The following FAM83D variants were observed in gnomAD, a reference collection of about 807,000 sequenced individuals.
FAM83D encodes protein FAM83D.
In FAM83D, 26 loss-of-function variants were observed where a neutral mutation model predicts 25.4. The ratio of observed to expected loss-of-function variants is 1.02; its 90% CI spans 0.75 to 1.42. The LOEUF (loss-of-function observed/expected upper bound fraction) is 1.42. Among genes scored for constraint, FAM83D ranks in the 40% most tolerant of loss-of-function variants. The probability of loss-of-function intolerance (pLI) is 0.00; values close to 1 mark genes in which losing one functional copy is unlikely to be tolerated. For synonymous variants in FAM83D, 310 were observed against 318.5 expected (o/e 0.97, Z 0.28); for missense variants, 740 against 758.1 (o/e 0.98, Z 0.28).
chr20:38,934,802 A>G (rs1308916685), intron 1 of FAM83D, among the ~76,000 whole-genome samples: 4 of 152,226 alleles, frequency 2.6e-5, no homozygotes, highest in African/African-American at 9.6e-5. Flanking sequence ...AATGAGGACT[A>G]GCTCTGATAT....
chr20:38,927,032 TA>T, intron 1 of FAM83D, 107 bp downstream of exon 1: 1 of 1,376,496 alleles, frequency 7.3e-7, no homozygotes, highest in Non-Finnish European at 9.3e-7. Flanking sequence ...CTCTGCGCCC[TA>T]CCGGAAGCGC....
intron 1 of FAM83D, among the ~76,000 whole-genome samples, chr20:38,939,480 G>A (rs6129130): frequency 6.6e-6 from 1 of 152,090 alleles, no homozygotes; most frequent in African/African-American, 2.4e-5. Flanking sequence ...CTTCCTAGTA[G>A]CTGGGATGAC....
intron 3 of FAM83D, 147 bp downstream of exon 3, chr20:38,948,147 C>A: frequency 1.0e-6 from 1 of 982,466 alleles, no homozygotes; most frequent in Non-Finnish European, 1.4e-6. Flanking sequence ...AGCTGGTTAT[C>A]AAAGCCTCCT....
In FAM83D at chr20:38,952,434, A is replaced by G. The variant is rs1480349088; in HGVS notation, c.1672A>G (p.Asn558Asp). The change falls in exon 4 of 4, where the codon AAC (asparagine) becomes GAC (aspartate). Residue 558 changes from asparagine to aspartate, a missense_variant. Coordinates refer to ENST00000619850, the MANE Select transcript of FAM83D (RefSeq NM_030919.3). ...MLSRRTLFTENHLGLHSGNFS... is the reference protein window; with the variant it reads ...MLSRRTLFTEDHLGLHSGNFS... ...GTCAAGGAGAACACTCTTTACTGAAAACCACCTTGGCCTTCATTCTGGCAA... is the reference window on the plus strand; with the variant it reads ...GTCAAGGAGAACACTCTTTACTGAAGACCACCTTGGCCTTCATTCTGGCAA... 1.2e-6 allele frequency: 2 copies of G among 1,614,184 alleles called. No homozygotes were observed. Among genetic ancestry groups the G allele is most frequent in the Non-Finnish European group, 8.5e-7 (1 of 1,180,024 alleles).
chr20:38,945,634 C>T (rs1055969190), intron 2 of FAM83D, among the ~76,000 whole-genome samples: 2 of 151,990 alleles, frequency 1.3e-5, no homozygotes, highest in South Asian at 2.1e-4. Context: ...CAATCCAGTC[C>T]AGGATCACAC....
chr20:38,933,489 G>A (rs1031505133), intron 1 of FAM83D, among the ~76,000 whole-genome samples: 5 of 152,212 alleles, frequency 3.3e-5, no homozygotes, highest in Middle Eastern at 3.2e-3. Context: ...CTCCAGTTGT[G>A]AACCACTGGC....
At chr20:38,930,730 C>G (rs995389886) in intron 1 of FAM83D, among the ~76,000 whole-genome samples, 5 of 152,118 alleles carry the variant, frequency 3.3e-5, no homozygotes, top group African/African-American at 1.2e-4. Context: ...TCTCAGTAAC[C>G]TCTGCCTCCC....
intron 2 of FAM83D, 50 bp downstream of exon 2, chr20:38,942,176 A>G: frequency 6.3e-7 from 1 of 1,592,894 alleles, no homozygotes; most frequent in Non-Finnish European, 8.6e-7. Context: ...AATATGACCA[A>G]GCATCCATTA....
At chr20:38,945,815 C>T (rs990655935) in intron 2 of FAM83D, among the ~76,000 whole-genome samples, 1 of 132,038 alleles carries the variant, frequency 7.6e-6, no homozygotes, top group Admixed American at 9.2e-5. Flanking sequence ...TGGTCTTGAA[C>T]TCCTGGACTC....
intron 1 of FAM83D, among the ~76,000 whole-genome samples, chr20:38,932,129 T>C (rs561707353): frequency 6.6e-6 from 1 of 152,366 alleles, no homozygotes; most frequent in South Asian, 2.1e-4. Context: ...CTCATGCCTG[T>C]AATCCCAGTG....
chr20:38,933,316 C>T (rs1393932928), intron 1 of FAM83D, among the ~76,000 whole-genome samples: 1 of 152,080 alleles, frequency 6.6e-6, no homozygotes, highest in African/African-American at 2.4e-5. Flanking sequence ...CTGTTTGGGG[C>T]TATGAAAAAG....
Position 38,948,098 on chromosome 20 carries a change from A to G in FAM83D, c.776+98A>G, listed in dbSNP as rs2085736862. On this transcript the variant is annotated intron_variant, in intron 3 of 3. Coordinates refer to ENST00000619850, the MANE Select transcript of FAM83D (RefSeq NM_030919.3). ...CCTTTTCCTCTCAATGGGAGCCTGT[A>G]TGGCCATGCATTCTGATATGCGTGC... 11 of 1,394,938 alleles carry G rather than the reference A, an allele frequency of 7.9e-6. No individual in the cohort carries two copies. In the South Asian group the frequency reaches 9.6e-5, roughly 12 times the overall value. The allele number at this position is 1,394,938 out of a possible 1,614,324, so 86.4% of individuals were successfully genotyped here.
chr20:38,942,033 G>A lies in FAM83D; in HGVS notation c.558G>A (p.Gln186=). 6.2e-7 allele frequency: 1 copy of A among 1,614,212 alleles called. No homozygotes were observed. The highest frequency in any genetic ancestry group is 2.2e-5 in the East Asian group (1 of 44,892). Residue 186 remains glutamine, a synonymous_variant, in exon 2 of 4, where the codon CAG becomes CAA. Coordinates refer to ENST00000619850, the MANE Select transcript of FAM83D (RefSeq NM_030919.3). The stretch of plus-strand genomic sequence containing the variant: ...ACCTGCAAGAAATATGCAGGAAACA[G>A]GGAGTTGCTGTGTATATCCTTCTGG... ...FRDLQEICRK[Q]GVAVYILLDQ... is the part of the protein sequence containing the mutation.
Position 38,927,044 on chromosome 20 carries a change from G to C in FAM83D, c.483+119G>C, listed in dbSNP as rs1238219590. On this transcript the variant is annotated intron_variant, in intron 1 of 3. Transcript: ENST00000619850. ...CTCCTCTGCGCCCTACCGGAAGCGC[G>C]CGCGGGCTAGGTGGTCCCAGGGTCT... 1.2e-5 allele frequency: 16 copies of C among 1,379,578 alleles called. No homozygotes were observed. The African/African-American group carries it at 2.5e-4, about 21-fold the overall frequency. 85.5% of individuals were successfully genotyped at this position (1,379,578 alleles called of 1,614,324 possible).
In FAM83D at chr20:38,952,404, A is replaced by G. The variant is rs1293460868; in HGVS notation, c.1642A>G (p.Met548Val). ...IRSRLNHMLA[M>V]LSRRTLFTEN... ...GTCCCGGCTCAACCACATGCTGGCT[A>G]TGCTGTCAAGGAGAACACTCTTTAC... The change falls in exon 4 of 4, where the codon ATG (methionine) becomes GTG (valine). Residue 548 changes from methionine to valine, a missense_variant. This residue lies in a region of FAM83D where 375 missense variants were observed against 403.2 expected (regional missense o/e 0.93). Transcript: ENST00000619850. 5 of 1,614,210 alleles carry G rather than the reference A, an allele frequency of 3.1e-6. No homozygotes were observed. The highest frequency in any genetic ancestry group is 3.4e-6 in the Non-Finnish European group (4 of 1,180,038).
intron 1 of FAM83D, among the ~76,000 whole-genome samples, chr20:38,934,872 T>C (rs1017429422): frequency 2.6e-5 from 4 of 152,186 alleles, no homozygotes; most frequent in African/African-American, 9.7e-5. Context: ...AAAATTTATA[T>C]GGATTAAAAT....
intron 2 of FAM83D, 87 bp downstream of exon 2, chr20:38,942,213 C>G: frequency 6.9e-6 from 10 of 1,444,780 alleles, no homozygotes; most frequent in Non-Finnish European, 9.7e-6. Flanking sequence ...TGGCGGTATC[C>G]CTGTTTACAA....
At chr20:38,931,403 C>T (rs2085658450) in intron 1 of FAM83D, among the ~76,000 whole-genome samples, 1 of 152,116 alleles carries the variant, frequency 6.6e-6, no homozygotes, top group Admixed American at 6.5e-5. Context: ...TTTTCCTCTC[C>T]CTGGGAAAGA....
chr20:38,950,730 T>C (rs1253395451), intron 3 of FAM83D, among the ~76,000 whole-genome samples: 1 of 152,132 alleles, frequency 6.6e-6, no homozygotes, highest in African/African-American at 2.4e-5. Flanking sequence ...ACCTTTAAGA[T>C]GGGGGTGCTG....
Sources: gnomAD v4.1 joint callset for allele counts (sites outside exome capture counted in the v4.1 genomes callset) on GRCh38, gnomAD v4.1.1 for gene constraint, gnomAD v4.1.1 regional missense constraint, MANE v1.5 for transcripts, NCBI Gene and HGNC (gene_info 2026-07-23, HGNC 2026-07-21) for gene names.